Variants in NOMO1 observed in about 807,000 individuals in gnomAD.
NOMO1 encodes nodal modulator 3.
NOMO1 carries 40 observed loss-of-function variants against 133.8 expected under a neutral mutation model. That is an observed-to-expected ratio of 0.30 (90% CI 0.23 to 0.39). The LOEUF (loss-of-function observed/expected upper bound fraction) is 0.39, where lower values mean the gene tolerates loss of function less well. Ranked by LOEUF, NOMO1 falls within the 10% of genes least tolerant of loss-of-function variation. The probability of loss-of-function intolerance (pLI) is 1.00; values close to 1 mark genes in which losing one functional copy is unlikely to be tolerated. For missense variants in NOMO1, 462 were observed against 1,419.9 expected (o/e 0.33, Z 10.84); for synonymous variants, 236 against 570.5 (o/e 0.41, Z 8.36).
At position 14,843,063 on chromosome 16, in the gene NOMO1, G is replaced by A. The variant is rs1295421652; in HGVS notation, c.302-1611G>A. On this transcript the variant is annotated intron_variant, in intron 3 of 30. Transcript: ENST00000287667. The stretch of plus-strand genomic sequence containing the variant: ...CTCCTCAGTAGATGAGATTACAGGT[G>A]TGCACCACCACACCCAGCTAATTTT... Among the ~76,000 whole-genome samples the A allele has an allele frequency of 3.1e-5, 4 of 127,792 alleles. No individual in the cohort carries two copies. In the East Asian group the frequency reaches 6.5e-4, roughly 21 times the overall value. The allele number at this position is 127,792 out of a possible 152,430, so 83.8% of individuals were successfully genotyped here.
rs1963793304 is a variant in NOMO1, at chr16:14,853,688, A to G, written c.873+84A>G. ...CCAATGCTGTTTGGGTGTTAAAGGA[A>G]AAGATGGTTGGCCTGCAGTTCTCTG... On this transcript the variant is annotated intron_variant, in intron 8 of 30. Coordinates refer to ENST00000287667, the MANE Select transcript of NOMO1 (RefSeq NM_014287.4). 11 of 1,602,190 alleles carry G rather than the reference A, an allele frequency of 6.9e-6. 1 individual carries two copies. In the South Asian group the frequency reaches 1.2e-4, roughly 18 times the overall value.
At chr16:14,836,111 A>G (rs1333875234) in intron 1 of NOMO1, among the ~76,000 whole-genome samples, 5 of 152,092 alleles carry the variant, frequency 3.3e-5, no homozygotes, top group Non-Finnish European at 7.4e-5. Context: ...TTAGGCTGCC[A>G]CACTTGGCTT....
In NOMO1 at chr16:14,895,848, A is replaced by G. The variant is rs1248945903; in HGVS notation, c.*203A>G. 1 of 1,556,480 alleles carries G rather than the reference A, an allele frequency of 6.4e-7. No homozygotes were observed. The highest frequency in any genetic ancestry group is 8.7e-7 in the Non-Finnish European group (1 of 1,150,908). On this transcript the variant is annotated 3_prime_UTR_variant, in exon 31 of 31. Coordinates refer to ENST00000287667, the MANE Select transcript of NOMO1 (RefSeq NM_014287.4). ...TAGAGCCCCTCGTGCAATGCAATGA[A>G]TGGACCCTCCTGTCACTCTGCTGAA...
At chr16:14,884,624 T>C in intron 27 of NOMO1, 142 bp downstream of exon 27, 1 of 1,115,704 alleles carries the variant, frequency 9.0e-7, no homozygotes, top group Non-Finnish European at 1.3e-6. Flanking sequence ...CTGCTGAGGG[T>C]TGAGGTTGAG....
intron 6 of NOMO1, among the ~76,000 whole-genome samples, chr16:14,850,401 A>T (rs929607729): frequency 1.3e-5 from 2 of 151,656 alleles, no homozygotes; most frequent in African/African-American, 4.9e-5. Context: ...GTATTTTTTT[A>T]AATTTCTTTA....
intron 15 of NOMO1, 110 bp from the exon 16 acceptor site, chr16:14,868,438 C>G: frequency 3.0e-6 from 2 of 673,126 alleles, no homozygotes; most frequent in Non-Finnish European, 5.4e-6. Flanking sequence ...CCCAACTGCT[C>G]CAATGATTAA....
intron 4 of NOMO1, among the ~76,000 whole-genome samples, chr16:14,845,436 A>G (rs1275835564): frequency 6.6e-6 from 1 of 152,004 alleles, no homozygotes; most frequent in Non-Finnish European, 1.5e-5. Context: ...CTGTGGGTGA[A>G]TTGAAGTCAG....
At chr16:14,888,722 C>T (rs1272449830) in intron 28 of NOMO1, 2 of 330,880 alleles carry the variant, frequency 6.0e-6, no homozygotes, top group East Asian at 8.3e-5. Flanking sequence ...AAGTCAGCCC[C>T]GTTGTGGATC....
At chr16:14,862,054 T>A (rs993024293) in intron 11 of NOMO1, among the ~76,000 whole-genome samples, 5 of 151,852 alleles carry the variant, frequency 3.3e-5, no homozygotes, top group African/African-American at 1.2e-4. Flanking sequence ...ACCATTTCCT[T>A]GTGTTTTCCA....
Position 14,875,165 on chromosome 16 carries a change from A to C in NOMO1, c.2184A>C (p.Glu728Asp), listed in dbSNP as rs771863774. The C allele has an allele frequency of 1.2e-6, 2 of 1,613,712 alleles. No homozygotes were observed. The highest frequency in any genetic ancestry group is 1.3e-5 in the African/African-American group (1 of 74,802). Residue 728 changes from glutamate to aspartate, a missense_variant, in exon 19 of 31, where the codon GAA becomes GAC. Glu to Asp is a conservative substitution (Grantham distance 45). Coordinates refer to ENST00000287667, the MANE Select transcript of NOMO1 (RefSeq NM_014287.4). ...AGAGGGAGAAAAACGGCAATGAGGAAGGCGAAGAAAGAATGACCAAGCCTC... is the reference window on the plus strand; with the variant it reads ...AGAGGGAGAAAAACGGCAATGAGGACGGCGAAGAAAGAATGACCAAGCCTC... ...RQEREKNGNE[E>D]GEERMTKPPV...
At chr16:14,873,827 G>A (rs571541403) in intron 18 of NOMO1, among the ~76,000 whole-genome samples, 10 of 151,582 alleles carry the variant, frequency 6.6e-5, no homozygotes, top group Non-Finnish European at 1.5e-4. Flanking sequence ...CCCAAAACCC[G>A]ACTGCTGACA....
chr16:14,868,521 G>C, intron 15 of NOMO1, 27 bp from the exon 16 acceptor site: 1 of 1,609,374 alleles, frequency 6.2e-7, no homozygotes, highest in Non-Finnish European at 8.5e-7. Context: ...TCTCTTAGTA[G>C]TCATTGTATT....
intron 4 of NOMO1, 49 bp downstream of exon 4, chr16:14,844,823 A>G: frequency 2.0e-6 from 1 of 492,318 alleles, no homozygotes; most frequent in Non-Finnish European, 3.8e-6. Context: ...TATAATGTAT[A>G]CTAAATCCTT....
At chr16:14,891,819 C>T (rs1269524909) in intron 29 of NOMO1, among the ~76,000 whole-genome samples, 6 of 152,152 alleles carry the variant, frequency 3.9e-5, no homozygotes, top group East Asian at 1.9e-4. Flanking sequence ...CTGCTGATTC[C>T]GGGCTTCTGT....
chr16:14,846,414 C>G (rs1428946690), intron 4 of NOMO1, among the ~76,000 whole-genome samples, 163 bp from the exon 5 acceptor site: 1 of 142,612 alleles, frequency 7.0e-6, no homozygotes, highest in East Asian at 2.0e-4. Context: ...CCTCTCCTAC[C>G]TCATCCCCAG....
At position 14,859,881 on chromosome 16, in the gene NOMO1, G is replaced by A. The variant is rs545765640; in HGVS notation, c.1220+2226G>A. On this transcript the variant is annotated intron_variant, in intron 11 of 30. Transcript: ENST00000287667. ...TCTGGGTTGCAGAGACCTTAGTAAA[G>A]ACTAAAAGTTAGCTAAAGAAAGATC... 1.1e-3 allele frequency among the ~76,000 whole-genome samples: 160 copies of A among 152,136 alleles called. 2 individuals are homozygous for A. The highest frequency in any genetic ancestry group is 3.5e-3 in the African/African-American group (146 of 41,450).
intron 1 of NOMO1, among the ~76,000 whole-genome samples, chr16:14,836,283 C>T (rs1396934917): frequency 6.6e-6 from 1 of 152,052 alleles, no homozygotes. Context: ...AAGCTAGACA[C>T]TGTCTCAGGC....
intron 9 of NOMO1, among the ~76,000 whole-genome samples, chr16:14,855,636 C>G (rs1179779249): frequency 2.6e-5 from 4 of 151,870 alleles, no homozygotes; most frequent in African/African-American, 7.3e-5. Flanking sequence ...GAAGATGAAG[C>G]CTTTACTTTG....
At chr16:14,857,844 C>T (rs1284879327) in intron 11 of NOMO1, among the ~76,000 whole-genome samples, 189 bp downstream of exon 11, 1 of 97,124 alleles carries the variant, frequency 1.0e-5, no homozygotes, top group Non-Finnish European at 2.1e-5. Context: ...GGTGCCATCT[C>T]GACTCACTGC....
Sources: allele counts gnomAD v4.1 joint callset (sites outside exome capture counted in the v4.1 genomes callset), GRCh38; gene constraint gnomAD v4.1.1; transcripts MANE v1.5; gene names NCBI Gene and HGNC (gene_info 2026-07-23, HGNC 2026-07-21).